The following XYLT1 variants were observed in gnomAD, a reference collection of about 807,000 sequenced individuals.
XYLT1 encodes the protein beta-D-xylosyltransferase 1.
Under a neutral mutation model 91.3 loss-of-function variants are expected in XYLT1, and 36 were observed. The observed-to-expected ratio is 0.39, with a 90% CI of 0.30 to 0.52. The LOEUF (loss-of-function observed/expected upper bound fraction) is 0.52, where lower values mean the gene tolerates loss of function less well. Ranked by LOEUF, XYLT1 falls within the 20% of genes least tolerant of loss-of-function variation. XYLT1 has a pLI of 0.68. For synonymous variants in XYLT1, 588 were observed against 532.0 expected (o/e 1.11, Z -1.45); for missense variants, 1,242 against 1,284.5 (o/e 0.97, Z 0.51).
intron 9 of XYLT1, among the ~76,000 whole-genome samples, chr16:17,133,963 T>C (rs1204597458): frequency 2.0e-5 from 3 of 152,188 alleles, no homozygotes; most frequent in Non-Finnish European, 2.9e-5. Flanking sequence ...AAAATATTGA[T>C]GGCTGAAATG....
intron 2 of XYLT1, among the ~76,000 whole-genome samples, chr16:17,301,308 G>A (rs548610094): frequency 2.0e-5 from 3 of 152,186 alleles, no homozygotes; most frequent in African/African-American, 7.2e-5. Flanking sequence ...TACTCAGGAA[G>A]CTGAGGCACG....
intron 1 of XYLT1, chr16:17,369,618 C>T (rs1041117598): frequency 2.0e-5 from 3 of 152,368 alleles, no homozygotes; most frequent in Admixed American, 6.5e-5. Flanking sequence ...AAGAAAAATT[C>T]GGGATCCCGT....
chr16:17,265,456 A>C (rs2033790982), intron 2 of XYLT1, among the ~76,000 whole-genome samples: 1 of 152,150 alleles, frequency 6.6e-6, no homozygotes, highest in Admixed American at 6.5e-5. Flanking sequence ...TGCTAATGCA[A>C]CCCTTTGACT....
chr16:17,368,169 G>A (rs2035479331), intron 1 of XYLT1, among the ~76,000 whole-genome samples: 1 of 152,268 alleles, frequency 6.6e-6, no homozygotes, highest in South Asian at 2.1e-4. Flanking sequence ...CAGGAGGTGG[G>A]GAGTGGAGAG....
intron 5 of XYLT1, among the ~76,000 whole-genome samples, chr16:17,189,630 C>T (rs1264736819): frequency 2.0e-5 from 3 of 152,202 alleles, no homozygotes; most frequent in African/African-American, 7.2e-5. Context: ...GATAGAATAT[C>T]AGCCATAAAA....
At chr16:17,133,036 A>G (rs753681424) in intron 9 of XYLT1, among the ~76,000 whole-genome samples, 4 of 152,236 alleles carry the variant, frequency 2.6e-5, no homozygotes, top group East Asian at 3.8e-4. Flanking sequence ...AGAGAGATGA[A>G]TGACTTGCCC....
chr16:17,315,095 C>G (rs746469408), intron 2 of XYLT1, among the ~76,000 whole-genome samples: 1 of 152,102 alleles, frequency 6.6e-6, no homozygotes, highest in South Asian at 2.1e-4. Context: ...GGATGGCCCA[C>G]CTGGGGAAAA....
chr16:17,424,799 C>CAG (rs1403241869), intron 1 of XYLT1, among the ~76,000 whole-genome samples: 3 of 144,716 alleles, frequency 2.1e-5, no homozygotes, highest in African/African-American at 7.8e-5. Flanking sequence ...ACCCGGGAGG[C>CAG]AGAGGTTGCA....
At chr16:17,323,820 ACT>A (rs1376896590) in intron 2 of XYLT1, among the ~76,000 whole-genome samples, 1 of 152,116 alleles carries the variant, frequency 6.6e-6, no homozygotes, top group Non-Finnish European at 1.5e-5. Context: ...GTCTGATCAG[ACT>A]CTGCTCTCGA....
intron 2 of XYLT1, among the ~76,000 whole-genome samples, chr16:17,332,567 T>C (rs200766779): frequency 9.9e-4 from 137 of 137,876 alleles, no homozygotes; most frequent in Non-Finnish European, 1.7e-3. Flanking sequence ...ATCACACACA[T>C]ACACACACAC....
intron 5 of XYLT1, among the ~76,000 whole-genome samples, chr16:17,191,083 T>C (rs1212904608): frequency 6.6e-6 from 1 of 152,206 alleles, no homozygotes; most frequent in African/African-American, 2.4e-5. Flanking sequence ...AGCCATGGTT[T>C]TTAGTTTCTG....
At chr16:17,368,434 G>C in intron 1 of XYLT1, among the ~76,000 whole-genome samples, 1 of 152,086 alleles carries the variant, frequency 6.6e-6, no homozygotes, top group East Asian at 1.9e-4. Context: ...GCGCCCAGTA[G>C]ACCGCTATCA....
At chr16:17,387,092 G>A (rs1381800668) in intron 1 of XYLT1, among the ~76,000 whole-genome samples, 1 of 152,170 alleles carries the variant, frequency 6.6e-6, no homozygotes, top group Admixed American at 6.5e-5. Flanking sequence ...GGTCTAGGGT[G>A]TGCCCAAAGC....
At chr16:17,332,962 A>G (rs1472745496) in intron 2 of XYLT1, among the ~76,000 whole-genome samples, 1 of 152,174 alleles carries the variant, frequency 6.6e-6, no homozygotes, top group Non-Finnish European at 1.5e-5. Flanking sequence ...AAACCCAGGA[A>G]GAGGTGACGG....
chr16:17,159,783 G>T (rs72775997), intron 5 of XYLT1, among the ~76,000 whole-genome samples: 18,336 of 152,274 alleles, frequency 0.12, 1,538 homozygotes, highest in Non-Finnish European at 0.17. Context: ...CACTAGCAGT[G>T]TAATCACAGC....
At chr16:17,217,183 C>G (rs2032876393) in intron 3 of XYLT1, among the ~76,000 whole-genome samples, 1 of 152,136 alleles carries the variant, frequency 6.6e-6, no homozygotes, top group Non-Finnish European at 1.5e-5. Context: ...GGCCGGGGCT[C>G]TGATACACAG....
At chr16:17,350,680 T>C (rs567169755) in intron 2 of XYLT1, among the ~76,000 whole-genome samples, 1 of 151,384 alleles carries the variant, frequency 6.6e-6, no homozygotes, top group Non-Finnish European at 1.5e-5. Flanking sequence ...AGTCTCACCA[T>C]CCTCTCAACA....
intron 1 of XYLT1, among the ~76,000 whole-genome samples, chr16:17,398,078 C>T (rs905567746): frequency 1.3e-5 from 2 of 151,982 alleles, no homozygotes; most frequent in African/African-American, 4.8e-5. Context: ...TTCACATATA[C>T]GAGTCCAGAT....
Position 17,402,743 on chromosome 16 carries a change from CT to C in XYLT1, c.364-44694del, listed in dbSNP as rs368996011. Among the ~76,000 whole-genome samples, 492 of 136,232 alleles carry C rather than the reference CT, an allele frequency of 3.6e-3. 3 individuals are homozygous for C. Among genetic ancestry groups the C allele is most frequent in the South Asian group, 0.016 (66 of 4,230 alleles). The allele number at this position is 136,232 out of a possible 152,430, so 89.4% of individuals were successfully genotyped here. On this transcript the variant is annotated intron_variant, in intron 1 of 11. Transcript: ENST00000261381. ...TTTACTATATCCTTTTTTTTCTTTT[CT>C]TTTTTTTTTTTTTTAAGAGATAGGG...
Sources: gnomAD v4.1 joint callset for allele counts (sites outside exome capture counted in the v4.1 genomes callset) on GRCh38, gnomAD v4.1.1 for gene constraint, MANE v1.5 for transcripts, NCBI Gene and HGNC (gene_info 2026-07-23, HGNC 2026-07-21) for gene names.